The following MIPOL1 variants were observed in gnomAD, a reference collection of about 807,000 sequenced individuals.
MIPOL1 encodes mirror-image polydactyly 1.
A neutral mutation model predicts 60.9 loss-of-function variants in MIPOL1; 57 were observed. That is an observed-to-expected ratio of 0.94 (90% confidence interval 0.76 to 1.17). The LOEUF (loss-of-function observed/expected upper bound fraction) is 1.17, where lower values mean the gene tolerates loss of function less well. Ranked by LOEUF, MIPOL1 falls within the 50% of genes most tolerant of loss-of-function variation. The pLI is 0.00. For synonymous variants in MIPOL1, 179 were observed against 168.8 expected (o/e 1.06, Z -0.47); for missense variants, 551 against 511.6 (o/e 1.08, Z -0.74).
intron 7 of MIPOL1, among the ~76,000 whole-genome samples, chr14:37,299,268 A>G (rs2086122797): frequency 6.6e-6 from 1 of 151,128 alleles, no homozygotes; most frequent in African/African-American, 2.4e-5. Flanking sequence ...GAAGGGGAAC[A>G]TCACACACAG....
At chr14:37,466,884 G>T (rs1056533704) in intron 11 of MIPOL1, among the ~76,000 whole-genome samples, 3 of 152,154 alleles carry the variant, frequency 2.0e-5, no homozygotes, top group African/African-American at 7.2e-5. Flanking sequence ...TATCAGATCA[G>T]AATTGATTTC....
intron 1 of MIPOL1, among the ~76,000 whole-genome samples, chr14:37,245,895 T>C (rs187426822): frequency 1.5e-4 from 23 of 152,110 alleles, no homozygotes; most frequent in Admixed American, 1.5e-3. Context: ...ACCACTTGAG[T>C]AGTTAGTATA....
intron 7 of MIPOL1, among the ~76,000 whole-genome samples, chr14:37,302,518 G>A (rs189520808): frequency 4.6e-4 from 70 of 151,492 alleles, no homozygotes; most frequent in Middle Eastern, 6.8e-3. Flanking sequence ...CAGATATGTG[G>A]CTTGCACATA....
At chr14:37,387,009 A>T (rs893372464) in intron 10 of MIPOL1, among the ~76,000 whole-genome samples, 2 of 151,886 alleles carry the variant, frequency 1.3e-5, no homozygotes, top group African/African-American at 4.8e-5. Context: ...AAATAAATTC[A>T]ACAAGTGTCA....
intron 12 of MIPOL1, among the ~76,000 whole-genome samples, chr14:37,535,467 G>A (rs1054344477): frequency 1.3e-5 from 2 of 152,142 alleles, no homozygotes; most frequent in African/African-American, 4.8e-5. Context: ...TAAATAAAAT[G>A]ACCCAGGAAT....
intron 9 of MIPOL1, among the ~76,000 whole-genome samples, chr14:37,338,246 A>G (rs1595223055): frequency 1.3e-5 from 2 of 151,214 alleles, no homozygotes; most frequent in South Asian, 2.1e-4. Flanking sequence ...AGCTGGGACT[A>G]CAGGCACCTG....
intron 12 of MIPOL1, among the ~76,000 whole-genome samples, chr14:37,534,762 C>G (rs1279013518): frequency 6.6e-6 from 1 of 152,148 alleles, no homozygotes; most frequent in Non-Finnish European, 1.5e-5. Flanking sequence ...AGCAAAATAA[C>G]TCCATTATCT....
chr14:37,336,927 A>AT (rs754827065), intron 9 of MIPOL1, among the ~76,000 whole-genome samples: 1 of 151,150 alleles, frequency 6.6e-6, no homozygotes, highest in Non-Finnish European at 1.5e-5. Flanking sequence ...CACCCACCCA[A>AT]TTTTTTGTAT....
chr14:37,461,798 G>C (rs1387191170), intron 11 of MIPOL1, among the ~76,000 whole-genome samples: 1 of 152,190 alleles, frequency 6.6e-6, no homozygotes, highest in African/African-American at 2.4e-5. Flanking sequence ...TTCACATCCA[G>C]GTCATGCTGA....
chr14:37,197,978 G>A lies in MIPOL1; in HGVS notation c.-325G>A, dbSNP rs1964605325. 6.6e-6 allele frequency: 1 copy of A among 152,098 alleles called. No homozygotes were observed. Among genetic ancestry groups the A allele is most frequent in the Non-Finnish European group, 1.5e-5 (1 of 68,090 alleles). The allele number at this position is 152,098 out of a possible 1,614,324, so 9.4% of individuals were successfully genotyped here. A position where few individuals can be genotyped will look rare whatever the true frequency, so the allele number is the denominator to read the frequency against. On this transcript the variant is annotated 5_prime_UTR_variant, in exon 1 of 13. Coordinates refer to ENST00000684589, the MANE Select transcript of MIPOL1 (RefSeq NM_001388067.1). ...CCCGCTCCTCCGCCGGATCGTCTGT[G>A]GGTGAGTCTCGAGCCAGGAGGCTCT...
At chr14:37,287,163 G>T (rs1462854508) in intron 7 of MIPOL1, among the ~76,000 whole-genome samples, 2 of 151,574 alleles carry the variant, frequency 1.3e-5, no homozygotes, top group Admixed American at 1.3e-4. Context: ...TACACAGGTT[G>T]TCATAAGGAG....
intron 1 of MIPOL1, among the ~76,000 whole-genome samples, chr14:37,220,888 A>G (rs537733239): frequency 2.6e-5 from 4 of 151,988 alleles, no homozygotes; most frequent in African/African-American, 9.6e-5. Context: ...CAATCCTCCC[A>G]CCTCAGCCTC....
intron 10 of MIPOL1, among the ~76,000 whole-genome samples, chr14:37,411,894 A>G (rs1476666854): frequency 6.6e-6 from 1 of 152,044 alleles, no homozygotes; most frequent in Non-Finnish European, 1.5e-5. Flanking sequence ...TATCACATCA[A>G]AGGTTCAATT....
intron 10 of MIPOL1, among the ~76,000 whole-genome samples, chr14:37,386,651 A>G (rs757215506): frequency 5.9e-5 from 9 of 151,964 alleles, no homozygotes; most frequent in Non-Finnish European, 8.8e-5. Flanking sequence ...CCTGTATTCT[A>G]GGTCTTATTT....
chr14:37,261,025 C>G (rs567742558), intron 3 of MIPOL1, among the ~76,000 whole-genome samples: 2 of 151,942 alleles, frequency 1.3e-5, no homozygotes, highest in Admixed American at 6.6e-5. Flanking sequence ...AGAATCTTTC[C>G]TGAATGTCAA....
chr14:37,278,469 T>C (rs1054818814), intron 6 of MIPOL1: 3 of 151,732 alleles, frequency 2.0e-5, no homozygotes, highest in Non-Finnish European at 4.4e-5. Context: ...TTCATAGAAT[T>C]TGAGATTCTT....
chr14:37,490,633 C>T (rs1347010067), intron 11 of MIPOL1, among the ~76,000 whole-genome samples: 3 of 152,168 alleles, frequency 2.0e-5, no homozygotes, highest in Non-Finnish European at 2.9e-5. Flanking sequence ...TATGGGAAAA[C>T]CTCAGTATCT....
At chr14:37,204,334 A>G (rs1011122632) in intron 1 of MIPOL1, among the ~76,000 whole-genome samples, 2 of 152,076 alleles carry the variant, frequency 1.3e-5, no homozygotes, top group African/African-American at 2.4e-5. Context: ...GCAAATGTGT[A>G]TTGTTTTAAG....
At chr14:37,337,449 A>C (rs1216784675) in intron 9 of MIPOL1, among the ~76,000 whole-genome samples, 2 of 130,740 alleles carry the variant, frequency 1.5e-5, no homozygotes, top group Non-Finnish European at 3.1e-5. Context: ...GCTCACTGCA[A>C]CCTCCGCCTC....
Sources: allele counts gnomAD v4.1 joint callset (sites outside exome capture counted in the v4.1 genomes callset), GRCh38; gene constraint gnomAD v4.1.1; transcripts MANE v1.5; gene names NCBI Gene and HGNC (gene_info 2026-07-23, HGNC 2026-07-21).